The following SLC20A2 variants were observed in gnomAD, a reference collection of about 807,000 sequenced individuals.
SLC20A2 encodes solute carrier family 20 member 2, also known as sodium-dependent phosphate transporter 2.
SLC20A2 carries 30 observed loss-of-function variants against 61.0 expected under a neutral mutation model. The ratio of observed to expected loss-of-function variants is 0.49; its 90% CI spans 0.37 to 0.67. SLC20A2 has a LOEUF of 0.67. Ranked by LOEUF, SLC20A2 falls within the 30% of genes least tolerant of loss-of-function variation. The pLI, the probability that SLC20A2 is intolerant of heterozygous loss-of-function variation, is 0.00. For missense variants in SLC20A2, 626 were observed against 866.4 expected, an observed-to-expected ratio of 0.72 and a Z score of 3.48; for synonymous variants, 351 against 353.3, an observed-to-expected ratio of 0.99 and a Z score of 0.07.
At position 42,472,108 on chromosome 8, in the gene SLC20A2, T is replaced by C. The variant is rs1486349966; in HGVS notation, c.283A>G (p.Met95Val). The C allele has an allele frequency of 6.2e-7, 1 of 1,612,760 alleles. No homozygotes were observed. ...TAGAGAAGAGGCTACTCACCAACCA[T>C]GGCACTAACTTCCCCAGCCATGAGA... ...ETLMAGEVSA[M>V]VGSAVWQLIA... Residue 95 changes from methionine to valine, a missense_variant, in exon 2 of 11, where the codon ATG becomes GTG. By Grantham distance (21) the Met-to-Val change is conservative. Around this residue, in one of 3 missense-constraint regions of SLC20A2, gnomAD observed 127 missense variants for 215.4 expected, o/e 0.59. Transcript: ENST00000520262. This position sits in a 1 kb window ranked among gnomAD's most constrained non-coding sequence, Gnocchi z 4.1.
intron 1 of SLC20A2, among the ~76,000 whole-genome samples, chr8:42,477,199 G>T (rs1490667310): frequency 6.6e-6 from 1 of 152,152 alleles, no homozygotes; most frequent in African/African-American, 2.4e-5. Flanking sequence ...CAGAATTATT[G>T]TGAGGAACAA....
At chr8:42,454,340 G>A (rs745746741) in intron 5 of SLC20A2, among the ~76,000 whole-genome samples, 13 of 152,122 alleles carry the variant, frequency 8.5e-5, no homozygotes, top group Non-Finnish European at 1.8e-4. Context: ...GCCAATCTCC[G>A]AGGAGAGGGA....
chr8:42,447,468 G>A (rs1410326824), intron 5 of SLC20A2, among the ~76,000 whole-genome samples: 1 of 152,144 alleles, frequency 6.6e-6, no homozygotes, highest in Non-Finnish European at 1.5e-5. Context: ...ACAAGGTCAG[G>A]AGATGGAGAC....
At chr8:42,533,540 C>T (rs1812478680) in intron 1 of SLC20A2, among the ~76,000 whole-genome samples, 1 of 151,866 alleles carries the variant, frequency 6.6e-6, no homozygotes, top group African/African-American at 2.4e-5. Flanking sequence ...TGCTTGAGCC[C>T]AGGAGGTGGA....
rs555445457 is a variant in SLC20A2, at chr8:42,528,070, G to C, written c.-265+13751C>G. ...CTAAGCACTGATTGCTCTTAACACT[G>C]AACCTCATTACTTCTACAACCAGGA... On this transcript the variant is annotated intron_variant, in intron 1 of 10. Transcript: ENST00000342228. 9.3e-4 allele frequency among the ~76,000 whole-genome samples: 141 copies of C among 152,144 alleles called. 1 individual carries two copies. The highest frequency in any genetic ancestry group is 3.3e-3 in the African/African-American group (135 of 41,486).
chr8:42,526,658 G>A (rs1304287561), intron 1 of SLC20A2, among the ~76,000 whole-genome samples: 1 of 129,860 alleles, frequency 7.7e-6, no homozygotes, highest in Non-Finnish European at 1.6e-5. Flanking sequence ...GGGCGACAGA[G>A]AGAGACTCTG....
chr8:42,446,818 T>C (rs529049116), intron 5 of SLC20A2, among the ~76,000 whole-genome samples: 72 of 151,472 alleles, frequency 4.8e-4, no homozygotes, highest in African/African-American at 1.7e-3. Flanking sequence ...AAAAAATATA[T>C]ACAATAAGAT....
rs1049547078 is a variant in SLC20A2, at chr8:42,521,560, G to A, written c.-265+20261C>T. Among the ~76,000 whole-genome samples, 708 of 119,978 alleles carry A rather than the reference G, an allele frequency of 5.9e-3. 133 individuals carry two copies. Among genetic ancestry groups the A allele is most frequent in the African/African-American group, 0.012 (474 of 39,190 alleles). 78.7% of individuals were successfully genotyped at this position (119,978 alleles called of 152,430 possible). ...GCTACAGTACAATGGCACCATCATC[G>A]CTCACTGCAGCCTCAACCTCCTGGG... On this transcript the variant is annotated intron_variant, in intron 1 of 10. Transcript: ENST00000342228.
intron 10 of SLC20A2, among the ~76,000 whole-genome samples, chr8:42,424,329 CG>C (rs201975960): frequency 6.0e-4 from 55 of 91,904 alleles, no homozygotes; most frequent in Admixed American, 3.3e-3. Context: ...TTGGGGGGTG[CG>C]GGGGGGGATA....
intron 1 of SLC20A2, among the ~76,000 whole-genome samples, chr8:42,491,910 TAACTC>T (rs1030900883): frequency 7.9e-5 from 12 of 152,214 alleles, no homozygotes; most frequent in African/African-American, 2.7e-4. Context: ...CTTTGGGACT[TAACTC>T]AGTTAGAACT....
At chr8:42,476,563 G>A (rs1255699019) in intron 1 of SLC20A2, among the ~76,000 whole-genome samples, 3 of 152,106 alleles carry the variant, frequency 2.0e-5, no homozygotes, top group Non-Finnish European at 2.9e-5. Context: ...GAGCAGCTTC[G>A]CCATGGCCTG....
At position 42,519,550 on chromosome 8, in the gene SLC20A2, T is replaced by A. The variant is rs147928809; in HGVS notation, c.-265+22271A>T. On this transcript the variant is annotated intron_variant, in intron 1 of 10. Transcript: ENST00000342228. ...CTTTGTTTTTAAAGCTACCTAGATA[T>A]TTTGAATATGCAGTTGGGGTCAAGA... Among the ~76,000 whole-genome samples the A allele has an allele frequency of 6.3e-3, 965 of 152,256 alleles. 8 individuals carry two copies. The highest frequency in any genetic ancestry group is 7.5e-3 in the Non-Finnish European group (507 of 68,004).
chr8:42,424,863 T>G (rs548234650), intron 10 of SLC20A2, among the ~76,000 whole-genome samples: 58 of 152,230 alleles, frequency 3.8e-4, no homozygotes, highest in African/African-American at 1.3e-3. Flanking sequence ...CTGGCTAACA[T>G]GGAGAAACCC....
intron 1 of SLC20A2, among the ~76,000 whole-genome samples, chr8:42,533,899 C>G (rs1251555193): frequency 6.6e-6 from 1 of 151,534 alleles, no homozygotes; most frequent in Non-Finnish European, 1.5e-5. Context: ...ACCTCGTGAT[C>G]TGCCCACCTC....
chr8:42,470,013 T>C (rs943205799), intron 2 of SLC20A2, among the ~76,000 whole-genome samples: 1 of 144,758 alleles, frequency 6.9e-6, no homozygotes, highest in Non-Finnish European at 1.5e-5. Context: ...TTTTCCTGAC[T>C]AGAAAAATCT....
At chr8:42,474,466 G>A (rs1454492994) in intron 1 of SLC20A2, among the ~76,000 whole-genome samples, 3 of 152,040 alleles carry the variant, frequency 2.0e-5, no homozygotes, top group African/African-American at 7.2e-5. Flanking sequence ...CAGATCCCAA[G>A]TGAGACAAAT....
chr8:42,522,680 C>CAA lies in SLC20A2; in HGVS notation c.-265+19139_-265+19140dup, dbSNP rs1167375865. ...TGGGCGACAGAGCAGGACTCCATCT[C>CAA]AAAAAAAAAGGTATTATTGTAGCAA... On this transcript the variant is annotated intron_variant, in intron 1 of 10. Coordinates refer to the SLC20A2 transcript ENST00000342228. Among the ~76,000 whole-genome samples, 4 of 113,732 alleles carry CAA rather than the reference C, an allele frequency of 3.5e-5. 1 individual carries two copies. Among genetic ancestry groups the CAA allele is most frequent in the Non-Finnish European group, 6.3e-5 (3 of 47,414 alleles). 74.6% of individuals were successfully genotyped at this position (113,732 alleles called of 152,430 possible).
At chr8:42,473,127 G>A (rs373143051) in intron 1 of SLC20A2, among the ~76,000 whole-genome samples, 4 of 152,306 alleles carry the variant, frequency 2.6e-5, no homozygotes, top group African/African-American at 9.6e-5. Context: ...TTACGCATAA[G>A]CAATGAGCAC....
chr8:42,440,389 T>C (rs1253726561), intron 6 of SLC20A2, among the ~76,000 whole-genome samples: 3 of 152,104 alleles, frequency 2.0e-5, no homozygotes, highest in Admixed American at 2.0e-4. Context: ...AATAATAAAA[T>C]ATGCGATTTT....
Sources: allele counts gnomAD v4.1 joint callset (sites outside exome capture counted in the v4.1 genomes callset), GRCh38; gene constraint gnomAD v4.1.1; regional missense constraint gnomAD v4.1.1; non-coding constraint Gnocchi (gnomAD v3.1); transcripts MANE v1.5; gene names NCBI Gene and HGNC (gene_info 2026-07-23, HGNC 2026-07-21).